Variants in CNTN4 observed in about 807,000 individuals in gnomAD.
CNTN4 encodes contactin-4.
CNTN4 carries 77 observed loss-of-function variants against 122.5 expected under a neutral mutation model. The observed-to-expected ratio is 0.63, with a 90% CI of 0.52 to 0.76. CNTN4 has a LOEUF of 0.76. Among genes scored for constraint, CNTN4 ranks in the 30% least tolerant of loss-of-function variants. The pLI, the probability that CNTN4 is intolerant of heterozygous loss-of-function variation, is 0.00. For synonymous variants in CNTN4, 512 were observed against 447.0 expected (o/e 1.15, Z -1.83); for missense variants, 1,256 against 1,259.1 (o/e 1.00, Z 0.04).
intron 4 of CNTN4, among the ~76,000 whole-genome samples, chr3:2,717,859 C>T (rs2149376391): frequency 6.6e-6 from 1 of 152,164 alleles, no homozygotes; most frequent in Non-Finnish European, 1.5e-5. Flanking sequence ...CTTTAATAGC[C>T]AGTCTACTGG....
At chr3:2,692,771 A>C (rs141354081) in intron 4 of CNTN4, among the ~76,000 whole-genome samples, 1 of 152,154 alleles carries the variant, frequency 6.6e-6, no homozygotes, top group Non-Finnish European at 1.5e-5. Context: ...TCTGTGTTTC[A>C]TTGTATAAAA....
At chr3:2,304,476 T>C (rs2042633261) in intron 2 of CNTN4, among the ~76,000 whole-genome samples, 1 of 152,134 alleles carries the variant, frequency 6.6e-6, no homozygotes, top group Non-Finnish European at 1.5e-5. Context: ...TACATGATCC[T>C]TGACATTGAT....
intron 2 of CNTN4, among the ~76,000 whole-genome samples, chr3:2,217,335 C>T (rs1001275999): frequency 6.6e-6 from 1 of 152,092 alleles, no homozygotes; most frequent in Admixed American, 6.5e-5. Flanking sequence ...TTTCTGACCT[C>T]GAGGGCTGGT....
intron 9 of CNTN4, 68 bp downstream of exon 9, chr3:2,883,315 C>T (rs565377739): frequency 9.0e-7 from 1 of 1,114,936 alleles, no homozygotes; most frequent in Non-Finnish European, 1.3e-6. Flanking sequence ...TTTTCTTGCA[C>T]TGTTCACAGC....
intron 12 of CNTN4, among the ~76,000 whole-genome samples, chr3:2,904,388 A>T (rs2094207074): frequency 6.6e-6 from 1 of 152,220 alleles, no homozygotes; most frequent in Non-Finnish European, 1.5e-5. Flanking sequence ...GTGCAATGTA[A>T]AAAAATAAAA....
intron 4 of CNTN4, among the ~76,000 whole-genome samples, chr3:2,686,080 C>G (rs12489808): frequency 1.3e-5 from 2 of 152,082 alleles, no homozygotes; most frequent in East Asian, 3.9e-4. Flanking sequence ...AACTAGCTCC[C>G]TCACTGTTGG....
At chr3:2,932,384 TAAATAAA>T (rs750270166) in intron 13 of CNTN4, among the ~76,000 whole-genome samples, 13 of 151,884 alleles carry the variant, frequency 8.6e-5, no homozygotes, top group Admixed American at 2.6e-4. Context: ...TCTCAAAAAA[TAAATAAA>T]AAATAAAAAA....
At chr3:2,186,508 T>C (rs1325595854) in intron 2 of CNTN4, among the ~76,000 whole-genome samples, 3 of 152,232 alleles carry the variant, frequency 2.0e-5, no homozygotes, top group Admixed American at 1.3e-4. Flanking sequence ...ATTGCCACAC[T>C]GTCTTCCACA....
Position 2,826,449 on chromosome 3 carries a change from A to G in CNTN4, c.454+6868A>G, listed in dbSNP as rs117681163. Among the ~76,000 whole-genome samples, 256 of 152,314 alleles carry G rather than the reference A, an allele frequency of 1.7e-3. 5 individuals carry two copies. In the East Asian group the frequency reaches 0.04, roughly 24 times the overall value. The stretch of plus-strand genomic sequence containing the variant: ...ACCACAGCCCTTAAAAGAAGCAAGC[A>G]TGCCTTTCCACAGCATGGTTATTTC... On this transcript the variant is annotated intron_variant, in intron 7 of 24. Coordinates refer to ENST00000418658, the MANE Select transcript of CNTN4 (RefSeq NM_175607.3).
intron 7 of CNTN4, among the ~76,000 whole-genome samples, chr3:2,822,300 T>C (rs1429912439): frequency 6.6e-6 from 1 of 152,254 alleles, no homozygotes; most frequent in African/African-American, 2.4e-5. Flanking sequence ...CTTCAAATTC[T>C]TTATGCCTCA....
intron 2 of CNTN4, among the ~76,000 whole-genome samples, chr3:2,121,369 G>A (rs921759518): frequency 3.3e-5 from 5 of 151,912 alleles, no homozygotes; most frequent in African/African-American, 7.3e-5. Context: ...GTGGTGGCAC[G>A]TGCCTGTAAA....
intron 4 of CNTN4, among the ~76,000 whole-genome samples, chr3:2,672,682 C>T (rs2084600427): frequency 6.6e-6 from 1 of 152,232 alleles, no homozygotes. Context: ...CATTCGTCTT[C>T]TGTGTTGCTC....
intron 3 of CNTN4, among the ~76,000 whole-genome samples, chr3:2,361,931 T>C (rs1392195231): frequency 6.6e-6 from 1 of 152,164 alleles, no homozygotes; most frequent in Non-Finnish European, 1.5e-5. Context: ...TTAATATAGA[T>C]ACATGATTTA....
chr3:3,009,960 T>G (rs1559784888), intron 14 of CNTN4, among the ~76,000 whole-genome samples: 1 of 151,538 alleles, frequency 6.6e-6, no homozygotes, highest in East Asian at 1.9e-4. Flanking sequence ...GATCGCTACC[T>G]AGAGAAAGAA....
chr3:2,212,306 A>G (rs573771870), intron 2 of CNTN4, among the ~76,000 whole-genome samples: 1 of 152,198 alleles, frequency 6.6e-6, no homozygotes, highest in Admixed American at 6.5e-5. Context: ...TCTTGAATGG[A>G]CTTAAAATGC....
At chr3:2,255,657 T>C (rs1366673964) in intron 2 of CNTN4, among the ~76,000 whole-genome samples, 1 of 152,088 alleles carries the variant, frequency 6.6e-6, no homozygotes, top group Non-Finnish European at 1.5e-5. Context: ...CACAACTACA[T>C]GGAAACTGAA....
intron 2 of CNTN4, among the ~76,000 whole-genome samples, chr3:2,244,840 C>T (rs2040081067): frequency 6.6e-6 from 1 of 151,996 alleles, no homozygotes; most frequent in Non-Finnish European, 1.5e-5. Context: ...AGGGCTTGTG[C>T]TCTGAATCTG....
chr3:2,815,048 A>G (rs2092696451), intron 6 of CNTN4, among the ~76,000 whole-genome samples: 1 of 152,162 alleles, frequency 6.6e-6, no homozygotes, highest in African/African-American at 2.4e-5. Context: ...AGATAAAATG[A>G]CTCTGGATCC....
chr3:2,704,198 G>A (rs1017582141), intron 4 of CNTN4, among the ~76,000 whole-genome samples: 1 of 151,062 alleles, frequency 6.6e-6, no homozygotes, highest in African/African-American at 2.4e-5. Flanking sequence ...TCGGGAGGCT[G>A]AGGCAGGAGA....
Sources: allele counts gnomAD v4.1 joint callset (sites outside exome capture counted in the v4.1 genomes callset), GRCh38; gene constraint gnomAD v4.1.1; transcripts MANE v1.5; gene names NCBI Gene and HGNC (gene_info 2026-07-23, HGNC 2026-07-21).